Variants in BRCA2 observed in about 807,000 individuals in gnomAD.
BRCA2 encodes the protein breast cancer type 2 susceptibility protein.
A neutral mutation model predicts 276.7 loss-of-function variants in BRCA2; 203 were observed. The ratio of observed to expected loss-of-function variants is 0.73; its 90% CI spans 0.65 to 0.82. The LOEUF (loss-of-function observed/expected upper bound fraction) is 0.82. BRCA2 is among the 40% of genes least tolerant of loss of function. BRCA2 has a pLI of 0.00. For synonymous variants in BRCA2, 1,289 were observed against 1,338.4 expected (o/e 0.96, Z 0.81); for missense variants, 3,920 against 3,915.0 (o/e 1.00, Z -0.03).
At chr13:32,358,101 G>A (rs185683067) in intron 16 of BRCA2, among the ~76,000 whole-genome samples, 172 bp downstream of exon 16, 4 of 152,270 alleles carry the variant, frequency 2.6e-5, no homozygotes, top group African/African-American at 7.2e-5. Flanking sequence ...GAAAAGTGCT[G>A]TTTGTCCTGG....
chr13:32,335,243 G>A (rs780854809), intron 10 of BRCA2, among the ~76,000 whole-genome samples: 3 of 151,582 alleles, frequency 2.0e-5, no homozygotes, highest in Middle Eastern at 3.4e-3. Context: ...TACTCGGGAC[G>A]CTAAGGCAGG....
chr13:32,333,111 G>C lies in BRCA2; in HGVS notation c.1633G>C (p.Val545Leu), dbSNP rs2137473390. ...TGAAAGTGGACTGGAAATACATACT[G>C]TTTGCTCACAGAAGGAGGACTCCTT... ...ASESGLEIHT[V>L]CSQKEDSLCP... is the part of the protein sequence containing the mutation. Residue 545 changes from valine to leucine, a missense_variant, in exon 10 of 27, where the codon GTT (valine) becomes CTT (leucine). Val to Leu is a conservative substitution (Grantham distance 32). Around this residue, in one of 2 missense-constraint regions of BRCA2, gnomAD observed 3,263 missense variants for 3,156.9 expected, o/e 1.03. Coordinates refer to ENST00000380152, the MANE Select transcript of BRCA2 (RefSeq NM_000059.4). 6.2e-7 allele frequency: 1 copy of C among 1,614,000 alleles called. No individual in the cohort carries two copies. Among genetic ancestry groups the C allele is most frequent in the East Asian group, 2.2e-5 (1 of 44,874 alleles).
chr13:32,319,852 G>C (rs1456159769), intron 3 of BRCA2, among the ~76,000 whole-genome samples: 1 of 152,152 alleles, frequency 6.6e-6, no homozygotes, highest in African/African-American at 2.4e-5. Flanking sequence ...TCTCTAGTAA[G>C]GGGAATAAAG....
chr13:32,341,162 T>C lies in BRCA2; in HGVS notation c.6807T>C (p.Ile2269=), dbSNP rs786201513. Reference sequence around the variant, plus strand: ...AAATGGTTTTGTCAAATTCAAGAATTGGAAAAAGAAGAGGAGAGCCCCTTA... The same window carrying C: ...AAATGGTTTTGTCAAATTCAAGAATCGGAAAAAGAAGAGGAGAGCCCCTTA... ...NEEMVLSNSR[I]GKRRGEPLIL... The change falls in exon 11 of 27, where the codon ATT becomes ATC. Residue 2269 remains isoleucine, a synonymous_variant. Coordinates refer to ENST00000380152, the MANE Select transcript of BRCA2 (RefSeq NM_000059.4). 6.2e-7 allele frequency: 1 copy of C among 1,613,956 alleles called. No individual in the cohort carries two copies. Among genetic ancestry groups the C allele is most frequent in the Non-Finnish European group, 8.5e-7 (1 of 1,179,914 alleles).
chr13:32,366,501 T>G (rs910746251), intron 18 of BRCA2, among the ~76,000 whole-genome samples: 5 of 152,320 alleles, frequency 3.3e-5, no homozygotes, highest in African/African-American at 1.2e-4. Context: ...AATATCATTA[T>G]GAACTCGAGA....
Position 32,340,608 on chromosome 13 carries a change from T to G in BRCA2, c.6253T>G (p.Leu2085Val), listed in dbSNP as rs761996223. The stretch of plus-strand genomic sequence containing the variant: ...TAAGGGAGTGTTAGAGGAATTTGAT[T>G]TAATCAGAACTGAGCATAGTCTTCA... The part of the protein sequence containing the change: ...KVKGVLEEFD[L>V]IRTEHSLHYS... The change falls in exon 11 of 27, where the codon TTA becomes GTA. Residue 2085 changes from leucine (L) to valine (V), a missense_variant. Transcript: ENST00000380152. 2 of 1,607,720 alleles carry G rather than the reference T, an allele frequency of 1.2e-6. No homozygotes were observed. Among genetic ancestry groups the G allele is most frequent in the South Asian group, 1.1e-5 (1 of 90,212 alleles).
intron 13 of BRCA2, 69 bp from the exon 14 acceptor site, chr13:32,354,792 C>T (rs2072675149): frequency 9.0e-7 from 1 of 1,116,862 alleles, no homozygotes; most frequent in African/African-American, 1.5e-5. Context: ...GGGTCTGCAA[C>T]AAAGGCATAT....
rs1325419593 is a variant in BRCA2 at position 32,363,399 on chromosome 13, G to A, written c.8197G>A (p.Asp2733Asn). 1 of 1,614,150 alleles carries A rather than the reference G, an allele frequency of 6.2e-7. No homozygotes were observed. The change falls in exon 18 of 27, where the codon GAT becomes AAT. Residue 2733 changes from aspartate to asparagine, a missense_variant. Around this residue, in one of 2 missense-constraint regions of BRCA2, gnomAD observed 3,263 missense variants for 3,156.9 expected, o/e 1.03. Transcript: ENST00000380152. The part of the protein sequence containing the change: ...DGWYAVKAQL[D>N]PPLLAVLKNG... ...GTGGTATGCTGTTAAGGCCCAGTTA[G>A]ATCCTCCCCTCTTAGCTGTCTTAAA... is the stretch of plus-strand genomic sequence containing the variant.
intron 18 of BRCA2, 46 bp downstream of exon 18, chr13:32,363,579 T>G (rs764118970): frequency 6.5e-7 from 1 of 1,527,288 alleles, no homozygotes; most frequent in South Asian, 1.1e-5. Flanking sequence ...TTGATTCAGT[T>G]AAATTCTAGA....
chr13:32,375,565 T>TC (rs1440290920), intron 20 of BRCA2, among the ~76,000 whole-genome samples: 21 of 148,716 alleles, frequency 1.4e-4, no homozygotes, highest in African/African-American at 4.9e-4. Flanking sequence ...ACATGTTTCT[T>TC]TTTTTTTTTT....
intron 18 of BRCA2, among the ~76,000 whole-genome samples, chr13:32,368,964 CCA>C (rs1491078954): frequency 1.4e-4 from 21 of 151,946 alleles, no homozygotes; most frequent in African/African-American, 5.1e-4. Flanking sequence ...GCGCCTGCCA[CCA>C]CCCCTGGCTA....
rs786203835 is a variant in BRCA2 at position 32,339,676 on chromosome 13, C to T, written c.5321C>T (p.Pro1774Leu). 2 of 1,612,102 alleles carry T rather than the reference C, an allele frequency of 1.2e-6. No individual in the cohort carries two copies. ...AATAAACTTGATTCTGGTATTGAGC[C>T]AGTATTGAAGAATGTTGAAGATCAA... is the stretch of plus-strand genomic sequence containing the variant. Reference protein sequence around the residue: ...SKNKLDSGIEPVLKNVEDQKN... With the variant: ...SKNKLDSGIELVLKNVEDQKN... The change falls in exon 11 of 27, where the codon CCA (proline) becomes CTA (leucine). Residue 1774 changes from proline to leucine, a missense_variant. Physicochemically the swap from Pro to Leu is moderately conservative, Grantham distance 98. Coordinates refer to ENST00000380152, the MANE Select transcript of BRCA2 (RefSeq NM_000059.4).
At chr13:32,341,235 AT>A in intron 11 of BRCA2, 39 bp downstream of exon 11, 1 of 1,612,798 alleles carries the variant, frequency 6.2e-7, no homozygotes, top group Non-Finnish European at 8.5e-7. Flanking sequence ...GCCAATCACT[AT>A]TTTTAAAGTG....
chr13:32,395,465 C>G (rs74047020), intron 25 of BRCA2, among the ~76,000 whole-genome samples: 14 of 152,188 alleles, frequency 9.2e-5, no homozygotes, highest in African/African-American at 3.4e-4. Flanking sequence ...TGTGTCAGAC[C>G]TTGTTCTAAG....
rs1240729646 is a variant in BRCA2, at chr13:32,336,301, A to C, written c.1946A>C (p.Gln649Pro). 1 of 1,603,050 alleles carries C rather than the reference A, an allele frequency of 6.2e-7. No homozygotes were observed. The highest frequency in any genetic ancestry group is 8.5e-7 in the Non-Finnish European group (1 of 1,175,796). The change falls in exon 11 of 27, where the codon CAG (glutamine) becomes CCG (proline). Residue 649 changes from glutamine (Q) to proline (P), a missense_variant. Gln to Pro is a moderately conservative substitution (Grantham distance 76). This residue lies in a region of BRCA2 where 3,263 missense variants were observed against 3,156.9 expected (regional missense o/e 1.03). Transcript: ENST00000380152. ...LHSSVKRSCSQNDSEEPTLSL... is the reference protein window; with the variant it reads ...LHSSVKRSCSPNDSEEPTLSL... ...TCTTCTGTGAAAAGAAGCTGTTCAC[A>C]GAATGATTCTGAAGAACCAACTTTG...
At chr13:32,353,095 A>G (rs1179647028) in intron 13 of BRCA2, among the ~76,000 whole-genome samples, 1 of 152,242 alleles carries the variant, frequency 6.6e-6, no homozygotes, top group African/African-American at 2.4e-5. Flanking sequence ...AAATCATTCC[A>G]GCAATTATCT....
rs397507987 is a variant in BRCA2 at position 32,370,521 on chromosome 13, T to C, written c.8451T>C (p.Cys2817=). 6.2e-7 allele frequency: 1 copy of C among 1,613,906 alleles called. No homozygotes were observed. Among genetic ancestry groups the C allele is most frequent in the Non-Finnish European group, 8.5e-7 (1 of 1,179,774 alleles). The change falls in exon 19 of 27, where the codon TGT becomes TGC. Residue 2817 remains cysteine, a synonymous_variant. Transcript: ENST00000380152. ...SLFSDGGNVG[C]VDVIIQRAYP... ...TCAGTGATGGAGGAAATGTTGGTTG[T>C]GTTGATGTAATTATTCAAAGAGCAT... is the stretch of plus-strand genomic sequence containing the variant.
chr13:32,365,109 CTTTTTTTTTTT>C (rs57551462), intron 18 of BRCA2, among the ~76,000 whole-genome samples: 4 of 64,460 alleles, frequency 6.2e-5, no homozygotes, highest in South Asian at 1.6e-3. Context: ...GCAGTGCATT[CTTTTTTTTTTT>C]TTTTTTTTTT....
In BRCA2 at chr13:32,332,698, A is replaced by C; in HGVS notation, c.1220A>C (p.Gln407Pro). The C allele has an allele frequency of 6.2e-7, 1 of 1,613,952 alleles. No individual in the cohort carries two copies. The highest frequency in any genetic ancestry group is 1.1e-5 in the South Asian group (1 of 91,018). Reference protein sequence around the residue: ...QLTLSGLNGAQMEKIPLLHIS... With the variant: ...QLTLSGLNGAPMEKIPLLHIS... ...ACCCTTTCAGGTCTAAATGGAGCCC[A>C]GATGGAGAAAATACCCCTATTGCAT... Residue 407 changes from glutamine to proline, a missense_variant, in exon 10 of 27, where the codon CAG (glutamine) becomes CCG (proline). Gln to Pro is a moderately conservative substitution (Grantham distance 76). This residue lies in a region of BRCA2 where 3,263 missense variants were observed against 3,156.9 expected (regional missense o/e 1.03). Transcript: ENST00000380152.
Sources: gnomAD v4.1 joint callset for allele counts (sites outside exome capture counted in the v4.1 genomes callset) on GRCh38, gnomAD v4.1.1 for gene constraint, gnomAD v4.1.1 regional missense constraint, MANE v1.5 for transcripts, NCBI Gene and HGNC (gene_info 2026-07-23, HGNC 2026-07-21) for gene names.